SEMA6D: variants seen among roughly 807,000 people sequenced by gnomAD.
SEMA6D encodes the protein semaphorin-6D.
Under a neutral mutation model 106.6 loss-of-function variants are expected in SEMA6D, and 35 were observed. That is an observed-to-expected ratio of 0.33 (90% confidence interval 0.25 to 0.44). The LOEUF (loss-of-function observed/expected upper bound fraction) is 0.44. SEMA6D is among the 20% of genes least tolerant of loss of function. The probability of loss-of-function intolerance (pLI) is 1.00; values close to 1 mark genes in which losing one functional copy is unlikely to be tolerated. For missense variants in SEMA6D, 1,185 were observed against 1,345.9 expected (o/e 0.88, Z 1.87); for synonymous variants, 499 against 487.7 (o/e 1.02, Z -0.31).
chr15:47,196,181 A>G (rs1324556588), intron 1 of SEMA6D, among the ~76,000 whole-genome samples: 2 of 152,150 alleles, frequency 1.3e-5, no homozygotes, highest in Non-Finnish European at 2.9e-5. Flanking sequence ...AGGTGGCAGC[A>G]TGGCCCAGCT....
intron 1 of SEMA6D, among the ~76,000 whole-genome samples, chr15:47,216,580 T>A (rs2030631214): frequency 6.6e-6 from 1 of 152,146 alleles, no homozygotes; most frequent in Non-Finnish European, 1.5e-5. Context: ...CTGAAAAATG[T>A]TTCTTAAGAA....
chr15:47,431,702 C>G (rs1056226759), intron 2 of SEMA6D, among the ~76,000 whole-genome samples: 1 of 152,108 alleles, frequency 6.6e-6, no homozygotes, highest in Non-Finnish European at 1.5e-5. Flanking sequence ...AGGCCACCCA[C>G]AAAAATGCTT....
intron 1 of SEMA6D, among the ~76,000 whole-genome samples, chr15:47,725,641 C>T (rs1441796380): frequency 6.6e-6 from 1 of 152,132 alleles, no homozygotes; most frequent in Non-Finnish European, 1.5e-5. Context: ...ATCATTAACC[C>T]TTTGATTAAC....
At chr15:47,719,001 C>G (rs1317702082) in intron 1 of SEMA6D, 1 of 152,222 alleles carries the variant, frequency 6.6e-6, no homozygotes, top group Non-Finnish European at 1.5e-5. Flanking sequence ...ATGTGTAATT[C>G]TTGGATTGAA....
At chr15:47,189,927 T>C (rs1435441413) in intron 1 of SEMA6D, among the ~76,000 whole-genome samples, 3 of 152,204 alleles carry the variant, frequency 2.0e-5, no homozygotes, top group African/African-American at 4.8e-5. Flanking sequence ...ACATGCAAAT[T>C]AACTACTGAC....
chr15:47,421,615 C>T (rs1016286995), intron 2 of SEMA6D, among the ~76,000 whole-genome samples: 3 of 152,002 alleles, frequency 2.0e-5, no homozygotes, highest in Non-Finnish European at 2.9e-5. Context: ...TTTGCCTTTA[C>T]TTTCCACTTG....
chr15:47,201,786 C>T (rs531488781), intron 1 of SEMA6D, among the ~76,000 whole-genome samples: 47 of 152,268 alleles, frequency 3.1e-4, no homozygotes, highest in African/African-American at 1.1e-3. Context: ...AATTGATTTA[C>T]AGCCTGTTGC....
At chr15:47,624,515 G>A (rs1364706336) in intron 4 of SEMA6D, among the ~76,000 whole-genome samples, 2 of 147,782 alleles carry the variant, frequency 1.4e-5, no homozygotes, top group African/African-American at 4.9e-5. Flanking sequence ...TCTAGATATG[G>A]GGAAAAATAG....
intron 1 of SEMA6D, among the ~76,000 whole-genome samples, chr15:47,208,328 G>A (rs551398277): frequency 6.6e-6 from 1 of 152,230 alleles, no homozygotes; most frequent in East Asian, 1.9e-4. Flanking sequence ...TAATAAGGAA[G>A]TTTATGCTTA....
intron 1 of SEMA6D, among the ~76,000 whole-genome samples, chr15:47,197,886 A>G (rs991695271): frequency 6.6e-6 from 1 of 152,020 alleles, no homozygotes; most frequent in African/African-American, 2.4e-5. Flanking sequence ...TCAAAATACA[A>G]ATTTCTTTCT....
intron 3 of SEMA6D, among the ~76,000 whole-genome samples, chr15:47,596,933 G>C (rs573263745): frequency 6.6e-6 from 1 of 151,754 alleles, no homozygotes; most frequent in Non-Finnish European, 1.5e-5. Context: ...ATAAACAAAA[G>C]GCATTACATC....
intron 4 of SEMA6D, among the ~76,000 whole-genome samples, chr15:47,602,973 G>C (rs2076694214): frequency 6.6e-6 from 1 of 152,232 alleles, no homozygotes; most frequent in African/African-American, 2.4e-5. Flanking sequence ...CCAGGCAAGA[G>C]GATAAGCTTT....
intron 2 of SEMA6D, among the ~76,000 whole-genome samples, chr15:47,469,919 A>G (rs1369811860): frequency 6.6e-6 from 1 of 152,194 alleles, no homozygotes; most frequent in African/African-American, 2.4e-5. Flanking sequence ...AAGTGTGCAC[A>G]TGATTATAAA....
chr15:47,637,918 T>C (rs2077420010), intron 4 of SEMA6D, among the ~76,000 whole-genome samples: 1 of 152,182 alleles, frequency 6.6e-6, no homozygotes, highest in East Asian at 1.9e-4. Flanking sequence ...ACTTTTTTAC[T>C]GTCTGAAATA....
intron 4 of SEMA6D, among the ~76,000 whole-genome samples, chr15:47,710,229 A>G (rs2078989448): frequency 6.6e-6 from 1 of 152,210 alleles, no homozygotes; most frequent in Admixed American, 6.5e-5. Context: ...ATGCTCACCT[A>G]TCTCAATGAT....
chr15:47,701,999 G>A (rs924898516), intron 4 of SEMA6D, among the ~76,000 whole-genome samples: 1 of 152,148 alleles, frequency 6.6e-6, no homozygotes, highest in Non-Finnish European at 1.5e-5. Context: ...AGTCAAAAGT[G>A]TTTCCTATAC....
chr15:47,429,294 C>T (rs1321103088), intron 2 of SEMA6D, among the ~76,000 whole-genome samples: 1 of 151,984 alleles, frequency 6.6e-6, no homozygotes, highest in Non-Finnish European at 1.5e-5. Flanking sequence ...TCCGAGTCCT[C>T]TTATACAATG....
intron 3 of SEMA6D, among the ~76,000 whole-genome samples, chr15:47,535,064 T>A (rs928047474): frequency 2.3e-5 from 3 of 131,444 alleles, no homozygotes; most frequent in African/African-American, 3.2e-5. Flanking sequence ...GGATCAAGAA[T>A]GTGACAAAAA....
chr15:47,252,863 A>G (rs1197625687), intron 1 of SEMA6D, among the ~76,000 whole-genome samples: 1 of 152,232 alleles, frequency 6.6e-6, no homozygotes, highest in Non-Finnish European at 1.5e-5. Context: ...ATGGGAATGC[A>G]GGTATCTTTC....
Sources: gnomAD v4.1 joint callset for allele counts (sites outside exome capture counted in the v4.1 genomes callset) on GRCh38, gnomAD v4.1.1 for gene constraint, MANE v1.5 for transcripts, NCBI Gene and HGNC (gene_info 2026-07-23, HGNC 2026-07-21) for gene names.